The following PPEF2 variants were observed in gnomAD, a reference collection of about 807,000 sequenced individuals.
The protein encoded by PPEF2 is serine/threonine-protein phosphatase with EF-hands 2.
PPEF2 carries 84 observed loss-of-function variants against 84.7 expected under a neutral mutation model. That is an observed-to-expected ratio of 0.99 (90% CI 0.83 to 1.19). PPEF2 has a LOEUF of 1.19. Among genes scored for constraint, PPEF2 ranks in the 50% most tolerant of loss-of-function variants. The probability of loss-of-function intolerance (pLI) is 0.00; values close to 1 mark genes in which losing one functional copy is unlikely to be tolerated. For missense variants in PPEF2, 924 were observed against 937.5 expected (o/e 0.99, Z 0.19); for synonymous variants, 346 against 345.2 (o/e 1.00, Z -0.03).
chr4:75,887,354 G>A (rs756485920), intron 6 of PPEF2, among the ~76,000 whole-genome samples: 4 of 152,178 alleles, frequency 2.6e-5, no homozygotes, highest in African/African-American at 7.2e-5. Flanking sequence ...CGGGCGGGTG[G>A]CTCACGCCTG....
At chr4:75,881,102 A>T (rs1249112625) in intron 10 of PPEF2, among the ~76,000 whole-genome samples, 1 of 138,106 alleles carries the variant, frequency 7.2e-6, no homozygotes, top group African/African-American at 2.7e-5. Flanking sequence ...ATCCAGCATA[A>T]TTTTTTTTTT....
chr4:75,871,225 C>T (rs1443991304), intron 13 of PPEF2, among the ~76,000 whole-genome samples: 1 of 151,998 alleles, frequency 6.6e-6, no homozygotes, highest in Non-Finnish European at 1.5e-5. Flanking sequence ...CGGCCAAAAT[C>T]TACCATTCGA....
intron 6 of PPEF2, among the ~76,000 whole-genome samples, chr4:75,887,609 G>A (rs1724762649): frequency 7.4e-6 from 1 of 135,402 alleles, no homozygotes; most frequent in Admixed American, 8.1e-5. Flanking sequence ...CGACAGAGCG[G>A]GACTGTGTCT....
chr4:75,872,314 T>C, intron 12 of PPEF2, 147 bp from the exon 13 acceptor site: 2 of 810,006 alleles, frequency 2.5e-6, no homozygotes, highest in African/African-American at 1.7e-5. Context: ...TTCTTTCTTT[T>C]TTTCTAAAGG....
At chr4:75,885,868 G>A (rs755438353) in intron 7 of PPEF2, among the ~76,000 whole-genome samples, 1 of 152,152 alleles carries the variant, frequency 6.6e-6, no homozygotes, top group Admixed American at 6.5e-5. Context: ...AATTAGCCGG[G>A]CGTGGTGGTG....
chr4:75,869,373 A>T (rs1449973607), intron 13 of PPEF2, among the ~76,000 whole-genome samples: 1 of 152,192 alleles, frequency 6.6e-6, no homozygotes, highest in Non-Finnish European at 1.5e-5. Flanking sequence ...GAACGATAAC[A>T]TGAAGTCCAT....
intron 6 of PPEF2, 30 bp downstream of exon 6, chr4:75,888,184 C>T: frequency 6.7e-7 from 1 of 1,492,872 alleles, no homozygotes; most frequent in Non-Finnish European, 9.3e-7. Flanking sequence ...TTGTGTGCAG[C>T]ATGGAAAGCC....
chr4:75,878,780 TTTA>T (rs1724492558), intron 10 of PPEF2, among the ~76,000 whole-genome samples: 1 of 152,124 alleles, frequency 6.6e-6, no homozygotes, highest in African/African-American at 2.4e-5. Context: ...TCTCAGGTAT[TTTA>T]TTATTATATT....
chr4:75,868,444 T>TA (rs536900380), intron 13 of PPEF2, among the ~76,000 whole-genome samples: 1,916 of 151,846 alleles, frequency 0.013, 21 homozygotes, highest in South Asian at 0.023. Context: ...TGTTAAAAGT[T>TA]AAAAAAAATT....
At position 75,891,617 on chromosome 4, in the gene PPEF2, GA is replaced by G. The variant is rs201970086; in HGVS notation, c.241+30del. 2.7e-3 allele frequency: 4,282 copies of G among 1,579,370 alleles called. 198 individuals carry two copies. In the Admixed American group the frequency reaches 0.075, roughly 28 times the overall value. ...CGTGTAATCTATGGCCTTGCGACAG[GA>G]GGACATGACATGTGGCAGTTCATAC... On this transcript the variant is annotated intron_variant, in intron 4 of 16. Transcript: ENST00000286719.
At chr4:75,885,040 C>T (rs938684068) in intron 7 of PPEF2, among the ~76,000 whole-genome samples, 2 of 152,082 alleles carry the variant, frequency 1.3e-5, no homozygotes, top group Non-Finnish European at 2.9e-5. Flanking sequence ...GATCCAAAGG[C>T]CAGTTTTAAG....
intron 13 of PPEF2, among the ~76,000 whole-genome samples, chr4:75,868,763 G>A (rs1308832734): frequency 6.6e-6 from 1 of 152,174 alleles, no homozygotes; most frequent in African/African-American, 2.4e-5. Context: ...AGCACTTTGG[G>A]AGGCTGAAGC....
At chr4:75,868,748 A>G (rs1047499680) in intron 13 of PPEF2, among the ~76,000 whole-genome samples, 5 of 152,156 alleles carry the variant, frequency 3.3e-5, no homozygotes, top group African/African-American at 9.7e-5. Context: ...CATGCCTATA[A>G]TCCCAGCACT....
intron 15 of PPEF2, 110 bp downstream of exon 15, chr4:75,866,079 C>T: frequency 8.1e-7 from 1 of 1,236,840 alleles, no homozygotes; most frequent in Non-Finnish European, 1.1e-6. Flanking sequence ...TCCCCTTTCT[C>T]ACCCATCCAG....
chr4:75,876,180 C>T, intron 11 of PPEF2, 107 bp downstream of exon 11: 1 of 660,932 alleles, frequency 1.5e-6, no homozygotes, highest in Non-Finnish European at 2.1e-6. Flanking sequence ...GTTGTTACCC[C>T]AGAAAGAGAA....
Position 75,860,661 on chromosome 4 carries a change from C to T in PPEF2, c.*6G>A. The T allele has an allele frequency of 6.2e-7, 1 of 1,613,548 alleles. No homozygotes were observed. The highest frequency in any genetic ancestry group is 8.5e-7 in the Non-Finnish European group (1 of 1,179,752). ...GGCACTTTGGGTGATGAAGACCAGG[C>T]TGTTCTTAGTGTGCACCTGGACTGC... On this transcript the variant is annotated 3_prime_UTR_variant, in exon 17 of 17. Transcript: ENST00000286719.
At chr4:75,875,965 C>CT (rs1265746583) in intron 11 of PPEF2, among the ~76,000 whole-genome samples, 1 of 152,164 alleles carries the variant, frequency 6.6e-6, no homozygotes, top group Non-Finnish European at 1.5e-5. Flanking sequence ...TGGCCTTGAA[C>CT]TATGGCAGCT....
intron 10 of PPEF2, among the ~76,000 whole-genome samples, chr4:75,877,513 C>T (rs1250083026): frequency 1.3e-5 from 2 of 152,052 alleles, no homozygotes; most frequent in East Asian, 1.9e-4. Context: ...ACACTGGTGC[C>T]CACAGACAAG....
At chr4:75,883,967 A>G (rs1464017768) in intron 8 of PPEF2, among the ~76,000 whole-genome samples, 2 of 149,968 alleles carry the variant, frequency 1.3e-5, no homozygotes, top group Non-Finnish European at 3.0e-5. Context: ...CGTCTCTACT[A>G]AAAATACAAA....
Sources: allele counts gnomAD v4.1 joint callset (sites outside exome capture counted in the v4.1 genomes callset), GRCh38; gene constraint gnomAD v4.1.1; transcripts MANE v1.5; gene names NCBI Gene and HGNC (gene_info 2026-07-23, HGNC 2026-07-21).